CATSPERB: variants seen among roughly 807,000 people sequenced by gnomAD.
The protein encoded by CATSPERB is catsper channel auxiliary subunit beta, also known as cation channel sperm-associated auxiliary subunit beta.
CATSPERB carries 93 observed loss-of-function variants against 128.3 expected under a neutral mutation model. The ratio of observed to expected loss-of-function variants is 0.72; its 90% confidence interval spans 0.61 to 0.86. The LOEUF (loss-of-function observed/expected upper bound fraction) is 0.86. Among genes scored for constraint, CATSPERB ranks in the 40% least tolerant of loss-of-function variants. The pLI is 0.00. For missense variants in CATSPERB, 1,153 were observed against 1,329.5 expected (o/e 0.87, Z 2.06); for synonymous variants, 381 against 448.8 (o/e 0.85, Z 1.91).
chr14:91,621,967 T>G, intron 18 of CATSPERB, 30 bp from the exon 19 acceptor site: 1 of 1,438,726 alleles, frequency 7.0e-7, no homozygotes, highest in Non-Finnish European at 9.4e-7. Context: ...GACTTGGTAT[T>G]AAATCAAACA....
rs138035648 is a variant in CATSPERB at position 91,623,170 on chromosome 14, C to T, written c.1931-1233G>A. 4.7e-3 allele frequency among the ~76,000 whole-genome samples: 715 copies of T among 152,280 alleles called. 3 individuals are homozygous for T. Among genetic ancestry groups the T allele is most frequent in the African/African-American group, 0.016 (680 of 41,556 alleles). Reference sequence around the variant, plus strand: ...TCAGCCTCCCAAAGTGCTGGGATTACAGGCATGAGCCACCATACCCGGCCA... The same window carrying T: ...TCAGCCTCCCAAAGTGCTGGGATTATAGGCATGAGCCACCATACCCGGCCA... On this transcript the variant is annotated intron_variant, in intron 18 of 26. Transcript: ENST00000256343.
At chr14:91,701,578 C>G (rs7145655) in intron 7 of CATSPERB, among the ~76,000 whole-genome samples, 2,277 of 152,170 alleles carry the variant, frequency 0.015, 57 homozygotes, top group African/African-American at 0.051. Flanking sequence ...AAATGATCTG[C>G]GGAAGCTTAT....
In CATSPERB at chr14:91,582,865, A is replaced by G. The variant is rs533036436; in HGVS notation, c.3133-1758T>C. 3.3e-5 allele frequency among the ~76,000 whole-genome samples: 5 copies of G among 152,272 alleles called. No homozygotes were observed. The South Asian group carries it at 1.0e-3, about 32-fold the overall frequency. ...TCAATTGTTAGTGTTTCCTCATTAT[A>G]CTTGGATGCAGGACAGGAACATGGG... On this transcript the variant is annotated intron_variant, in intron 26 of 26. Coordinates refer to ENST00000256343, the MANE Select transcript of CATSPERB (RefSeq NM_024764.4).
chr14:91,729,094 C>T (rs539824133), intron 2 of CATSPERB, among the ~76,000 whole-genome samples: 1 of 152,272 alleles, frequency 6.6e-6, no homozygotes, highest in Non-Finnish European at 1.5e-5. Context: ...AATCTCAGCA[C>T]TTTGGGAGGC....
chr14:91,627,454 T>G (rs1480228126), intron 17 of CATSPERB, among the ~76,000 whole-genome samples: 1 of 152,176 alleles, frequency 6.6e-6, no homozygotes, highest in Non-Finnish European at 1.5e-5. Context: ...AACATGTGCA[T>G]TGTGCTTACA....
intron 17 of CATSPERB, among the ~76,000 whole-genome samples, chr14:91,633,953 T>C (rs1039739030): frequency 2.0e-5 from 3 of 151,908 alleles, no homozygotes; most frequent in African/African-American, 4.8e-5. Flanking sequence ...AGCTATAATA[T>C]GCTAAGAAAC....
At chr14:91,598,857 CAAAA>C (rs377460093) in intron 22 of CATSPERB, among the ~76,000 whole-genome samples, 2 of 110,062 alleles carry the variant, frequency 1.8e-5, no homozygotes, top group Non-Finnish European at 1.8e-5. Context: ...GACTCTGTCT[CAAAA>C]AAAAAAAAAA....
chr14:91,709,522 T>TAAAAAA (rs1895795997), intron 5 of CATSPERB: 1 of 6,412 alleles, frequency 1.6e-4, no homozygotes, highest in Non-Finnish European at 4.0e-4. Flanking sequence ...CTACTAAAAA[T>TAAAAAA]ACAAAAAAAA....
intron 17 of CATSPERB, among the ~76,000 whole-genome samples, chr14:91,631,790 T>C (rs1566711429): frequency 6.6e-6 from 1 of 152,128 alleles, no homozygotes; most frequent in Non-Finnish European, 1.5e-5. Context: ...ATTGGACTCA[T>C]TCTTGAGAAA....
intron 7 of CATSPERB, among the ~76,000 whole-genome samples, chr14:91,695,146 T>C (rs1895540602): frequency 6.6e-6 from 1 of 151,010 alleles, no homozygotes; most frequent in Non-Finnish European, 1.5e-5. Flanking sequence ...TTTTTTTTTT[T>C]TTTGATAGAG....
At chr14:91,608,166 A>T in intron 22 of CATSPERB, 128 bp downstream of exon 22, 1 of 600,984 alleles carries the variant, frequency 1.7e-6, no homozygotes, top group South Asian at 2.4e-5. Flanking sequence ...AGGAGGAGGA[A>T]CAGAGTAGCA....
At position 91,636,569 on chromosome 14, in the gene CATSPERB, A is replaced by G. The variant is rs1398121216; in HGVS notation, c.1598T>C (p.Met533Thr). 37 of 1,610,946 alleles carry G rather than the reference A, an allele frequency of 2.3e-5. No individual in the cohort carries two copies. The highest frequency in any genetic ancestry group is 3.0e-5 in the Non-Finnish European group (35 of 1,178,936). Residue 533 changes from methionine to threonine, a missense_variant, in exon 17 of 27, where the codon ATG becomes ACG. Transcript: ENST00000256343. ...SRNLFGQPPD[M>T]GFETALAPQH... is the part of the protein sequence containing the mutation. ...TGGGGCAAGCGCAGTCTCAAAGCCC[A>G]TATCTGGAGGCTGGAAACAGAGAAA...
chr14:91,672,326 C>A (rs1895112022), intron 13 of CATSPERB, among the ~76,000 whole-genome samples: 1 of 152,146 alleles, frequency 6.6e-6, no homozygotes, highest in African/African-American at 2.4e-5. Flanking sequence ...TGCTCTGTCA[C>A]CTCACCTGGT....
At chr14:91,622,912 G>C (rs948088457) in intron 18 of CATSPERB, among the ~76,000 whole-genome samples, 1 of 27,072 alleles carries the variant, frequency 3.7e-5, no homozygotes, top group Non-Finnish European at 8.3e-5. Context: ...TTTTTTTTTT[G>C]ATATGGAGTT....
At chr14:91,673,371 A>G (rs531843967) in intron 12 of CATSPERB, among the ~76,000 whole-genome samples, 1 of 151,860 alleles carries the variant, frequency 6.6e-6, no homozygotes. Flanking sequence ...AAATCCCCCA[A>G]TTTTACTCAG....
intron 22 of CATSPERB, among the ~76,000 whole-genome samples, chr14:91,598,173 T>A (rs531398612): frequency 1.3e-5 from 2 of 151,876 alleles, no homozygotes; most frequent in African/African-American, 4.8e-5. Flanking sequence ...TAAGCTTTTT[T>A]ACCTAAAAAT....
At chr14:91,720,091 C>T (rs1476132424) in intron 4 of CATSPERB, among the ~76,000 whole-genome samples, 1 of 151,930 alleles carries the variant, frequency 6.6e-6, no homozygotes, top group Non-Finnish European at 1.5e-5. Context: ...GGAAACATTC[C>T]AAATTTGCTA....
At position 91,725,064 on chromosome 14, in the gene CATSPERB, T is replaced by C; in HGVS notation, c.168+16A>G. ...GAACGTGAAGGGTTATAACACATGC[T>C]ATTAGTGGACCTTACCAAGTTTTCT... On this transcript the variant is annotated intron_variant, in intron 3 of 26. Coordinates refer to ENST00000256343, the MANE Select transcript of CATSPERB (RefSeq NM_024764.4). 1 of 1,378,410 alleles carries C rather than the reference T, an allele frequency of 7.3e-7. No individual in the cohort carries two copies. Among genetic ancestry groups the C allele is most frequent in the Non-Finnish European group, 1.0e-6 (1 of 993,360 alleles). 85.4% of individuals were successfully genotyped at this position (1,378,410 alleles called of 1,614,324 possible). A position where few individuals can be genotyped will look rare whatever the true frequency, so the allele number is the denominator to read the frequency against.
chr14:91,622,494 AT>A (rs1342442304), intron 18 of CATSPERB, among the ~76,000 whole-genome samples: 3 of 152,230 alleles, frequency 2.0e-5, no homozygotes, highest in Non-Finnish European at 1.5e-5. Flanking sequence ...AGAAGAAATG[AT>A]TGGAGAAAAT....
Sources: allele counts gnomAD v4.1 joint callset (sites outside exome capture counted in the v4.1 genomes callset), GRCh38; gene constraint gnomAD v4.1.1; transcripts MANE v1.5; gene names NCBI Gene and HGNC (gene_info 2026-07-23, HGNC 2026-07-21).